The following PAPPA2 variants were observed in gnomAD, a reference collection of about 807,000 sequenced individuals.
PAPPA2 encodes the protein pappalysin-2.
Under a neutral mutation model 176.4 loss-of-function variants are expected in PAPPA2, and 86 were observed. That is an observed-to-expected ratio of 0.49 (90% CI 0.41 to 0.58). The LOEUF (loss-of-function observed/expected upper bound fraction) is 0.58. PAPPA2 is among the 20% of genes least tolerant of loss of function. PAPPA2 has a pLI of 0.00. For missense variants in PAPPA2, 2,073 were observed against 2,256.9 expected (o/e 0.92, Z 1.65); for synonymous variants, 809 against 852.2 (o/e 0.95, Z 0.88).
At chr1:176,810,960 A>AT (rs1666122601) in intron 21 of PAPPA2, among the ~76,000 whole-genome samples, 1 of 152,184 alleles carries the variant, frequency 6.6e-6, no homozygotes, top group South Asian at 2.1e-4. Flanking sequence ...CAGCTTCATA[A>AT]TGAAACCTGT....
At chr1:176,826,241 A>T (rs971847387) in intron 21 of PAPPA2, among the ~76,000 whole-genome samples, 1 of 152,206 alleles carries the variant, frequency 6.6e-6, no homozygotes. Context: ...AGAGATGAAG[A>T]TGGAGTGCTG....
At chr1:176,706,279 G>T in intron 9 of PAPPA2, 80 bp from the exon 10 acceptor site, 2 of 1,285,202 alleles carry the variant, frequency 1.6e-6, no homozygotes, top group Non-Finnish European at 2.2e-6. Context: ...CTGAGAAATT[G>T]TAAGAATTTT....
At chr1:176,623,673 C>CTTTCTT (rs1553375909) in intron 3 of PAPPA2, among the ~76,000 whole-genome samples, 7 of 113,434 alleles carry the variant, frequency 6.2e-5, no homozygotes, top group Admixed American at 9.2e-5. Flanking sequence ...CTTTCTTTTT[C>CTTTCTT]TTTCTTTCTT....
chr1:176,817,265 G>T (rs1356873972), intron 21 of PAPPA2, among the ~76,000 whole-genome samples: 5 of 152,108 alleles, frequency 3.3e-5, no homozygotes, highest in Admixed American at 2.0e-4. Flanking sequence ...AAAATACTAT[G>T]AGCACAGGGC....
At chr1:176,793,185 C>G (rs982648444) in intron 19 of PAPPA2, among the ~76,000 whole-genome samples, 1 of 152,106 alleles carries the variant, frequency 6.6e-6, no homozygotes, top group African/African-American at 2.4e-5. Flanking sequence ...AGTTATGAGC[C>G]AATCAGGATA....
chr1:176,486,790 C>T (rs966162184), intron 1 of PAPPA2, among the ~76,000 whole-genome samples: 5 of 151,870 alleles, frequency 3.3e-5, no homozygotes, highest in East Asian at 1.9e-4. Context: ...GTCTTAAATG[C>T]GAGCATGAAA....
At chr1:176,552,400 C>G (rs1388327523) in intron 1 of PAPPA2, among the ~76,000 whole-genome samples, 10 of 148,388 alleles carry the variant, frequency 6.7e-5, no homozygotes, top group Non-Finnish European at 1.5e-4. Context: ...TCTTTTCTTC[C>G]CCCCTTACCC....
At chr1:176,585,573 C>T (rs1299462470) in intron 2 of PAPPA2, among the ~76,000 whole-genome samples, 1 of 151,920 alleles carries the variant, frequency 6.6e-6, no homozygotes, top group African/African-American at 2.4e-5. Flanking sequence ...AAATAGGTTT[C>T]CTTCACCTTT....
chr1:176,628,066 C>G (rs1656127742), intron 3 of PAPPA2, among the ~76,000 whole-genome samples: 1 of 152,136 alleles, frequency 6.6e-6, no homozygotes, highest in Non-Finnish European at 1.5e-5. Context: ...AGATTAAAGA[C>G]CATGCATTCA....
chr1:176,737,471 G>A (rs1210859869), intron 12 of PAPPA2, among the ~76,000 whole-genome samples: 1 of 152,084 alleles, frequency 6.6e-6, no homozygotes, highest in Non-Finnish European at 1.5e-5. Flanking sequence ...CATACGTGGG[G>A]TCCGAATGAA....
chr1:176,750,355 C>T (rs1358849492), intron 14 of PAPPA2, among the ~76,000 whole-genome samples: 1 of 152,076 alleles, frequency 6.6e-6, no homozygotes, highest in Non-Finnish European at 1.5e-5. Flanking sequence ...CCTGTAATTC[C>T]AGCACTTGGG....
rs564218269 is a variant in PAPPA2 at position 176,758,411 on chromosome 1, G to A, written c.4152-7255G>A. Among the ~76,000 whole-genome samples the A allele has an allele frequency of 4.8e-3, 736 of 152,272 alleles. 5 individuals carry two copies. The highest frequency in any genetic ancestry group is 9.3e-3 in the Non-Finnish European group (633 of 68,012). On this transcript the variant is annotated intron_variant, in intron 14 of 22. Coordinates refer to ENST00000367662, the MANE Select transcript of PAPPA2 (RefSeq NM_020318.3). ...TGGATAAATAGCAAAGCTATCTAAGGATGAATGCTGTTATTGTTGTTAATG... is the reference window on the plus strand; with the variant it reads ...TGGATAAATAGCAAAGCTATCTAAGAATGAATGCTGTTATTGTTGTTAATG...
intron 20 of PAPPA2, among the ~76,000 whole-genome samples, chr1:176,794,873 C>T (rs981475497): frequency 5.9e-5 from 9 of 152,288 alleles, no homozygotes; most frequent in African/African-American, 1.2e-4. Context: ...TCACCTGTTA[C>T]GCATGGGGAT....
At chr1:176,786,918 C>T (rs564911514) in intron 17 of PAPPA2, among the ~76,000 whole-genome samples, 1 of 152,114 alleles carries the variant, frequency 6.6e-6, no homozygotes, top group South Asian at 2.1e-4. Flanking sequence ...ACAGTGGGGC[C>T]CACCTGAGGG....
At chr1:176,701,390 C>T (rs560147260) in intron 8 of PAPPA2, among the ~76,000 whole-genome samples, 4 of 152,224 alleles carry the variant, frequency 2.6e-5, no homozygotes, top group Non-Finnish European at 2.9e-5. Context: ...TGACAGAAAC[C>T]GCCTTGTAAA....
At chr1:176,842,230 G>A (rs1314063102) in intron 22 of PAPPA2, 150 bp from the exon 23 acceptor site, 3 of 685,844 alleles carry the variant, frequency 4.4e-6, no homozygotes, top group East Asian at 5.5e-5. Context: ...TGATGTGTGA[G>A]TGGGAAAACT....
intron 20 of PAPPA2, among the ~76,000 whole-genome samples, chr1:176,796,161 T>C (rs1159346924): frequency 5.3e-5 from 8 of 152,082 alleles, no homozygotes; most frequent in Non-Finnish European, 1.2e-4. Context: ...CAGACATGAG[T>C]CATGGAAAGG....
intron 2 of PAPPA2, among the ~76,000 whole-genome samples, chr1:176,579,766 G>A (rs536593757): frequency 6.6e-6 from 1 of 152,284 alleles, no homozygotes; most frequent in East Asian, 1.9e-4. Flanking sequence ...CTGTGAGATG[G>A]TGGATGACTT....
chr1:176,650,338 AG>A (rs1460236677), intron 3 of PAPPA2, among the ~76,000 whole-genome samples: 2 of 150,394 alleles, frequency 1.3e-5, no homozygotes, highest in Non-Finnish European at 3.0e-5. Context: ...TTCTTTGTTC[AG>A]CCACTGTATG....
Sources: gnomAD v4.1 joint callset for allele counts (sites outside exome capture counted in the v4.1 genomes callset) on GRCh38, gnomAD v4.1.1 for gene constraint, MANE v1.5 for transcripts, NCBI Gene and HGNC (gene_info 2026-07-23, HGNC 2026-07-21) for gene names.